The following SLC13A1 variants were observed in gnomAD, a reference collection of about 807,000 sequenced individuals.
SLC13A1 encodes the protein solute carrier family 13 member 1, also known as Na(+)/sulfate cotransporter.
Under a neutral mutation model 70.0 loss-of-function variants are expected in SLC13A1, and 65 were observed. That is an observed-to-expected ratio of 0.93 (90% CI 0.76 to 1.14). The LOEUF (loss-of-function observed/expected upper bound fraction) is 1.14, where lower values mean the gene tolerates loss of function less well. Ranked by LOEUF, SLC13A1 falls within the 50% of genes most tolerant of loss-of-function variation. The pLI is 0.00. For missense variants in SLC13A1, 726 were observed against 717.8 expected (o/e 1.01, Z -0.13); for synonymous variants, 275 against 250.5 (o/e 1.10, Z -0.92).
chr7:123,170,821 C>T (rs774480450), intron 3 of SLC13A1, among the ~76,000 whole-genome samples: 3 of 151,908 alleles, frequency 2.0e-5, no homozygotes, highest in Non-Finnish European at 4.4e-5. Flanking sequence ...CTCAGGCGAT[C>T]GCCCACCTTG....
intron 7 of SLC13A1, among the ~76,000 whole-genome samples, chr7:123,139,618 G>T (rs1162263410): frequency 6.6e-6 from 1 of 151,752 alleles, no homozygotes; most frequent in Non-Finnish European, 1.5e-5. Context: ...ATATTACAGA[G>T]ATCTATCACT....
intron 1 of SLC13A1, among the ~76,000 whole-genome samples, chr7:123,192,588 G>A (rs992258672): frequency 2.0e-5 from 3 of 152,098 alleles, no homozygotes; most frequent in Non-Finnish European, 2.9e-5. Context: ...TCAGCACAGC[G>A]TGAGAAAAGC....
At chr7:123,191,532 A>G (rs577466532) in intron 1 of SLC13A1, among the ~76,000 whole-genome samples, 1 of 152,334 alleles carries the variant, frequency 6.6e-6, no homozygotes, top group South Asian at 2.1e-4. Context: ...CTAATTGTCT[A>G]AAACCTCATC....
At chr7:123,142,905 C>T (rs779407177) in intron 7 of SLC13A1, among the ~76,000 whole-genome samples, 2 of 152,062 alleles carry the variant, frequency 1.3e-5, no homozygotes, top group Non-Finnish European at 2.9e-5. Context: ...TCGTGAGCCA[C>T]CGCACCCGGC....
chr7:123,114,403 C>T lies in SLC13A1; in HGVS notation c.*1115G>A, dbSNP rs541247743. ...TTTTCGCATCCTCACTTCTAGAAGA[C>T]TATTCTTATCCCATTTTTGTTTAAA... On this transcript the variant is annotated 3_prime_UTR_variant, in exon 15 of 15. Coordinates refer to ENST00000194130, the MANE Select transcript of SLC13A1 (RefSeq NM_022444.4). The T allele has an allele frequency of 4.7e-5, 7 of 149,256 alleles. No homozygotes were observed. The East Asian group carries it at 1.4e-3, about 30-fold the overall frequency. The allele number at this position is 149,256 out of a possible 1,614,324, so 9.2% of individuals were successfully genotyped here.
chr7:123,194,728 C>T (rs1796121245), intron 1 of SLC13A1, among the ~76,000 whole-genome samples: 1 of 151,902 alleles, frequency 6.6e-6, no homozygotes, highest in South Asian at 2.1e-4. Context: ...GATGCAACAC[C>T]GTATTAGTGA....
chr7:123,175,934 G>C (rs181931937), intron 2 of SLC13A1, among the ~76,000 whole-genome samples: 1 of 152,334 alleles, frequency 6.6e-6, no homozygotes, highest in Non-Finnish European at 1.5e-5. Context: ...GCATATTGTA[G>C]AGGGCCAAGC....
At chr7:123,128,775 C>T in intron 10 of SLC13A1, 70 bp downstream of exon 10, 1 of 930,734 alleles carries the variant, frequency 1.1e-6, no homozygotes, top group Non-Finnish European at 1.7e-6. Flanking sequence ...TTCAGAATTA[C>T]AGGAACCACA....
At chr7:123,180,135 A>C (rs775363808) in intron 2 of SLC13A1, among the ~76,000 whole-genome samples, 7 of 152,084 alleles carry the variant, frequency 4.6e-5, no homozygotes, top group Non-Finnish European at 1.0e-4. Context: ...AGGGAGGATA[A>C]AAAGTGCAAA....
At chr7:123,118,166 T>A (rs1793245394) in intron 13 of SLC13A1, among the ~76,000 whole-genome samples, 1 of 152,098 alleles carries the variant, frequency 6.6e-6, no homozygotes, top group African/African-American at 2.4e-5. Flanking sequence ...CAGTTCTCAT[T>A]ACACTAATAA....
chr7:123,161,639 G>C (rs957681025), intron 6 of SLC13A1, among the ~76,000 whole-genome samples: 2 of 152,150 alleles, frequency 1.3e-5, no homozygotes, highest in Non-Finnish European at 2.9e-5. Flanking sequence ...GAGATAGAAA[G>C]AGTCAGGGGC....
chr7:123,155,377 CCTT>C (rs1794676460), intron 6 of SLC13A1, among the ~76,000 whole-genome samples: 1 of 151,416 alleles, frequency 6.6e-6, no homozygotes. Context: ...TGTATTTTTG[CCTT>C]CTTGATTCTC....
At chr7:123,179,410 TC>T (rs1279006142) in intron 2 of SLC13A1, among the ~76,000 whole-genome samples, 2 of 152,172 alleles carry the variant, frequency 1.3e-5, no homozygotes, top group Admixed American at 1.3e-4. Flanking sequence ...TTGGATGGGA[TC>T]CCTGTTCTGG....
At chr7:123,128,776 AG>A in intron 10 of SLC13A1, 68 bp downstream of exon 10, 2 of 937,788 alleles carry the variant, frequency 2.1e-6, no homozygotes, top group Non-Finnish European at 3.3e-6. Context: ...TCAGAATTAC[AG>A]GAACCACACA....
intron 7 of SLC13A1, among the ~76,000 whole-genome samples, chr7:123,135,548 T>C (rs1190567811): frequency 6.6e-6 from 1 of 152,154 alleles, no homozygotes; most frequent in Admixed American, 6.5e-5. Flanking sequence ...TTTATAGAAA[T>C]ATTGATTTGC....
Position 123,114,307 on chromosome 7 carries a change from G to A in SLC13A1, c.*1211C>T, listed in dbSNP as rs1203185294. 6.6e-6 allele frequency: 1 copy of A among 151,832 alleles called. No homozygotes were observed. Among genetic ancestry groups the A allele is most frequent in the African/African-American group, 2.4e-5 (1 of 41,340 alleles). The allele number at this position is 151,832 out of a possible 1,614,324, so 9.4% of individuals were successfully genotyped here. A position where few individuals can be genotyped will look rare whatever the true frequency, so the allele number is the denominator to read the frequency against. On this transcript the variant is annotated 3_prime_UTR_variant, in exon 15 of 15. Coordinates refer to ENST00000194130, the MANE Select transcript of SLC13A1 (RefSeq NM_022444.4). Reference sequence around the variant, plus strand: ...ATATAATATTTGTACATATTTTGGGGGTGTATGTGATATTTTGCTACCTGT... The same window carrying A: ...ATATAATATTTGTACATATTTTGGGAGTGTATGTGATATTTTGCTACCTGT...
intron 5 of SLC13A1, 39 bp downstream of exon 5, chr7:123,168,465 A>G (rs758029783): frequency 6.3e-7 from 1 of 1,590,268 alleles, no homozygotes; most frequent in East Asian, 2.3e-5. Context: ...TTAAAATATA[A>G]TTTGGAAAAA....
At chr7:123,188,509 T>G (rs1795890629) in intron 1 of SLC13A1, among the ~76,000 whole-genome samples, 1 of 152,202 alleles carries the variant, frequency 6.6e-6, no homozygotes, top group African/African-American at 2.4e-5. Context: ...TTAATTTCCA[T>G]GTTCTTGAAT....
Position 123,117,516 on chromosome 7 carries a change from G to A in SLC13A1, c.1605C>T (p.Pro535=). The change falls in exon 14 of 15, where the codon CCC becomes CCT. Residue 535 remains proline (P), a synonymous_variant. Transcript: ENST00000194130. ...FAFLLPVANP[P]NAIVFSYGHL... ...GACCATATGAAAAGACAATAGCATT[G>A]GGTGGATTTGCTACTGGTAGGAGGA... 6.2e-7 allele frequency: 1 copy of A among 1,613,276 alleles called. No individual in the cohort carries two copies. The highest frequency in any genetic ancestry group is 8.5e-7 in the Non-Finnish European group (1 of 1,179,454).
Sources: allele counts gnomAD v4.1 joint callset (sites outside exome capture counted in the v4.1 genomes callset), GRCh38; gene constraint gnomAD v4.1.1; transcripts MANE v1.5; gene names NCBI Gene and HGNC (gene_info 2026-07-23, HGNC 2026-07-21).